Variants in TBPL2 observed in about 807,000 individuals in gnomAD.
The protein encoded by TBPL2 is TATA box-binding protein-like 2.
TBPL2 carries 40 observed loss-of-function variants against 38.2 expected under a neutral mutation model. The ratio of observed to expected loss-of-function variants is 1.05; its 90% CI spans 0.81 to 1.36. The LOEUF (loss-of-function observed/expected upper bound fraction) is 1.36, where lower values mean the gene tolerates loss of function less well. Ranked by LOEUF, TBPL2 falls within the 40% of genes most tolerant of loss-of-function variation. The pLI is 0.00. For missense variants in TBPL2, 461 were observed against 456.7 expected, an observed-to-expected ratio of 1.01 and a Z score of -0.09; for synonymous variants, 169 against 171.7, an observed-to-expected ratio of 0.98 and a Z score of 0.12.
At chr14:55,416,001 A>G (rs913394584) in intron 6 of TBPL2, among the ~76,000 whole-genome samples, 2 of 152,252 alleles carry the variant, frequency 1.3e-5, no homozygotes, top group African/African-American at 2.4e-5. Flanking sequence ...GTCACATGTT[A>G]TAAGATTCTA....
At chr14:55,414,914 A>T (rs1031720376) in intron 6 of TBPL2, among the ~76,000 whole-genome samples, 9 of 152,242 alleles carry the variant, frequency 5.9e-5, no homozygotes, top group Non-Finnish European at 1.3e-4. Context: ...TTCTAAATTT[A>T]AAAGAGTTTT....
At chr14:55,423,087 T>C (rs1183310983) in intron 6 of TBPL2, among the ~76,000 whole-genome samples, 6 of 152,134 alleles carry the variant, frequency 3.9e-5, no homozygotes, top group Non-Finnish European at 8.8e-5. Context: ...GACAAAAGGA[T>C]AAGTTATGTC....
Position 55,432,048 on chromosome 14 carries a change from A to C in TBPL2, c.788+1582T>G, listed in dbSNP as rs1035556536. Among the ~76,000 whole-genome samples the C allele has an allele frequency of 2.0e-5, 3 of 152,346 alleles. No individual in the cohort carries two copies. The South Asian group carries it at 6.2e-4, about 32-fold the overall frequency. On this transcript the variant is annotated intron_variant, in intron 4 of 6. Transcript: ENST00000247219. Reference sequence around the variant, plus strand: ...CACAAATGCCTTAAGGGCAAAGCCAAATGTAGAAAACAAAGAAAAAAATGG... The same window carrying C: ...CACAAATGCCTTAAGGGCAAAGCCACATGTAGAAAACAAAGAAAAAAATGG...
At chr14:55,414,547 T>C (rs189650870) in intron 6 of TBPL2, 92 bp from the exon 7 acceptor site, 28 of 922,438 alleles carry the variant, frequency 3.0e-5, no homozygotes, top group Non-Finnish European at 4.5e-5. Context: ...CTCCAATTAC[T>C]TTTAATATGA....
In TBPL2 at chr14:55,436,951, T is replaced by C; in HGVS notation, c.218A>G (p.Asn73Ser). Residue 73 changes from asparagine (N) to serine (S), a missense_variant, in exon 2 of 7, where the codon AAT becomes AGT. Physicochemically the swap from Asn to Ser is conservative, Grantham distance 46. Transcript: ENST00000247219. ...AAATGCAGTATCCGGATTGGATGCA[T>C]TCAGTATGTACATATCATAAGGTAC... 3 of 1,614,222 alleles carry C rather than the reference T, an allele frequency of 1.9e-6. No individual in the cohort carries two copies. In the South Asian group the frequency reaches 3.3e-5, roughly 18 times the overall value.
intron 5 of TBPL2, among the ~76,000 whole-genome samples, chr14:55,426,174 G>A (rs1253595638): frequency 6.6e-6 from 1 of 151,904 alleles, no homozygotes; most frequent in East Asian, 1.9e-4. Context: ...GGCTGAGGCA[G>A]GAGAATCACT....
chr14:55,440,306 ATG>A, intron 1 of TBPL2, 88 bp downstream of exon 1: 3 of 1,489,284 alleles, frequency 2.0e-6, no homozygotes, highest in Non-Finnish European at 2.7e-6. Flanking sequence ...TATGGTCGCT[ATG>A]AGTTTTAAGA....
intron 4 of TBPL2, among the ~76,000 whole-genome samples, chr14:55,429,720 C>A (rs372477687): frequency 7.3e-6 from 1 of 137,498 alleles, no homozygotes; most frequent in African/African-American, 2.7e-5. Context: ...GAGCTGAGAT[C>A]GCGCCATTGC....
exon 7 of TBPL2, chr14:55,414,321 T>C (rs1439139582): frequency 1.6e-6 from 2 of 1,278,816 alleles, no homozygotes; most frequent in Non-Finnish European, 1.1e-6. Context: ...CAGCTGTTTC[T>C]GTGCTGGGCT....
At chr14:55,430,201 C>G (rs1885903131) in intron 4 of TBPL2, among the ~76,000 whole-genome samples, 1 of 152,000 alleles carries the variant, frequency 6.6e-6, no homozygotes, top group Non-Finnish European at 1.5e-5. Context: ...AATTCCACCC[C>G]CCTCATGGGT....
rs544504727 is a variant in TBPL2 at position 55,438,274 on chromosome 14, C to T, written c.151-1256G>A. 7.2e-5 allele frequency among the ~76,000 whole-genome samples: 11 copies of T among 152,314 alleles called. No individual in the cohort carries two copies. The East Asian group carries it at 1.9e-3, about 27-fold the overall frequency. ...GAGTGTTCTGTTACTACAAGTCCAG[C>T]AGGTGGCAGGGGTGACTAATTGTTT... On this transcript the variant is annotated intron_variant, in intron 1 of 6. Transcript: ENST00000247219.
At chr14:55,415,222 T>C (rs1885650675) in intron 6 of TBPL2, among the ~76,000 whole-genome samples, 1 of 152,180 alleles carries the variant, frequency 6.6e-6, no homozygotes, top group South Asian at 2.1e-4. Flanking sequence ...AATCAGTTAA[T>C]CTGATATTTT....
chr14:55,433,114 G>T (rs1317905263), intron 4 of TBPL2, among the ~76,000 whole-genome samples: 1 of 151,832 alleles, frequency 6.6e-6, no homozygotes, highest in African/African-American at 2.4e-5. Context: ...TGTAAAATGG[G>T]GATATGTCAG....
intron 6 of TBPL2, among the ~76,000 whole-genome samples, chr14:55,416,597 G>C (rs778406543): frequency 1.3e-5 from 2 of 152,138 alleles, no homozygotes; most frequent in Non-Finnish European, 2.9e-5. Context: ...GGTAGAAAAA[G>C]CCACAAGTTT....
chr14:55,440,110 C>CAATCAATT (rs1886087213), intron 1 of TBPL2, among the ~76,000 whole-genome samples: 1 of 151,836 alleles, frequency 6.6e-6, no homozygotes, highest in African/African-American at 2.4e-5. Flanking sequence ...ATCAATCAAT[C>CAATCAATT]AATCAATCAA....
At chr14:55,439,510 C>G (rs1886071544) in intron 1 of TBPL2, among the ~76,000 whole-genome samples, 1 of 144,738 alleles carries the variant, frequency 6.9e-6, no homozygotes. Context: ...AGGCGGGGGG[C>G]CAGGAGTGGT....
chr14:55,434,722 C>A (rs1885986625), intron 3 of TBPL2, among the ~76,000 whole-genome samples: 1 of 152,302 alleles, frequency 6.6e-6, no homozygotes, highest in Non-Finnish European at 1.5e-5. Flanking sequence ...AAAAGGAAAG[C>A]TTTATTGTAT....
intron 6 of TBPL2, among the ~76,000 whole-genome samples, chr14:55,415,280 TAAC>T (rs1566589411): frequency 6.6e-6 from 1 of 152,232 alleles, no homozygotes; most frequent in Non-Finnish European, 1.5e-5. Context: ...GAAAGGACTA[TAAC>T]AACTGTTAGC....
intron 6 of TBPL2, among the ~76,000 whole-genome samples, chr14:55,421,729 C>T (rs1488972528): frequency 1.3e-5 from 2 of 152,202 alleles, no homozygotes; most frequent in Non-Finnish European, 2.9e-5. Context: ...TCCCAAAGTG[C>T]TGGGATTACA....
Sources: allele counts gnomAD v4.1 joint callset (sites outside exome capture counted in the v4.1 genomes callset), GRCh38; gene constraint gnomAD v4.1.1; transcripts MANE v1.5; gene names NCBI Gene and HGNC (gene_info 2026-07-23, HGNC 2026-07-21).